NT5DC1: variants seen among roughly 807,000 people sequenced by gnomAD.
NT5DC1 encodes 5'-nucleotidase domain-containing protein 1.
A neutral mutation model predicts 59.4 loss-of-function variants in NT5DC1; 42 were observed. The ratio of observed to expected loss-of-function variants is 0.71; its 90% CI spans 0.55 to 0.92. NT5DC1 has a LOEUF of 0.92. Ranked by LOEUF, NT5DC1 falls within the 40% of genes least tolerant of loss-of-function variation. The pLI is 0.00. For synonymous variants in NT5DC1, 172 were observed against 188.1 expected (o/e 0.91, Z 0.70); for missense variants, 501 against 537.1 (o/e 0.93, Z 0.66).
intron 6 of NT5DC1, among the ~76,000 whole-genome samples, chr6:116,186,751 A>G (rs1348986960): frequency 2.0e-5 from 3 of 151,934 alleles, no homozygotes; most frequent in South Asian, 2.1e-4. Context: ...TATTTATGCC[A>G]TGTATTTCAC....
intron 6 of NT5DC1, among the ~76,000 whole-genome samples, chr6:116,196,364 A>G (rs1035438954): frequency 6.6e-6 from 1 of 152,088 alleles, no homozygotes; most frequent in African/African-American, 2.4e-5. Flanking sequence ...AATATACACA[A>G]TGGGAAAGAG....
intron 8 of NT5DC1, among the ~76,000 whole-genome samples, chr6:116,233,087 G>C (rs1390253584): frequency 1.3e-5 from 2 of 152,120 alleles, no homozygotes; most frequent in African/African-American, 4.8e-5. Context: ...AGGGTTTGAG[G>C]AATAATTTGT....
At chr6:116,239,763 G>A (rs888866044) in intron 11 of NT5DC1, among the ~76,000 whole-genome samples, 4 of 152,088 alleles carry the variant, frequency 2.6e-5, no homozygotes, top group Non-Finnish European at 5.9e-5. Context: ...ATCATTCTAG[G>A]ACTCAAATTA....
rs138260310 is a variant in NT5DC1 at position 116,144,374 on chromosome 6, G to T, written c.529+26429G>T. Among the ~76,000 whole-genome samples, 345 of 152,140 alleles carry T rather than the reference G, an allele frequency of 2.3e-3. 1 individual carries two copies. Among genetic ancestry groups the T allele is most frequent in the African/African-American group, 8.2e-3 (339 of 41,486 alleles). On this transcript the variant is annotated intron_variant, in intron 6 of 11. Transcript: ENST00000319550. ...AAATTAGCTGGGCGTGATGGTGCAC[G>T]CCTGTAGTCCCAGCTACTTGGGAGA...
At chr6:116,237,183 C>A in intron 9 of NT5DC1, 99 bp downstream of exon 9, 1 of 723,364 alleles carries the variant, frequency 1.4e-6, no homozygotes, top group Non-Finnish European at 2.5e-6. Flanking sequence ...CTTAAATAAG[C>A]CTTTCCTTTG....
intron 5 of NT5DC1, among the ~76,000 whole-genome samples, chr6:116,117,541 C>G (rs992652662): frequency 3.3e-5 from 5 of 152,132 alleles, no homozygotes; most frequent in Admixed American, 2.6e-4. Flanking sequence ...CCTAGCTTAT[C>G]TTAAACATAC....
At chr6:116,223,445 A>G (rs887217248) in intron 8 of NT5DC1, among the ~76,000 whole-genome samples, 10 of 152,188 alleles carry the variant, frequency 6.6e-5, no homozygotes, top group Admixed American at 1.3e-4. Flanking sequence ...TTCTAGAACA[A>G]AAGCGCCTGT....
intron 4 of NT5DC1, among the ~76,000 whole-genome samples, chr6:116,115,209 C>T (rs1169518171): frequency 7.0e-6 from 1 of 142,370 alleles, no homozygotes; most frequent in Admixed American, 7.0e-5. Context: ...ACTTATCACC[C>T]CAGTTTTTTT....
At chr6:116,178,436 G>A (rs1161397026) in intron 6 of NT5DC1, among the ~76,000 whole-genome samples, 3 of 152,126 alleles carry the variant, frequency 2.0e-5, no homozygotes, top group Non-Finnish European at 2.9e-5. Flanking sequence ...TTTATGGTCA[G>A]GTATAAGAAT....
chr6:116,211,784 C>T (rs184247783), intron 6 of NT5DC1, among the ~76,000 whole-genome samples: 1 of 152,080 alleles, frequency 6.6e-6, no homozygotes, highest in Non-Finnish European at 1.5e-5. Context: ...GGAATGTTTG[C>T]TTTGTTGTAC....
Position 116,208,924 on chromosome 6 carries a change from A to T in NT5DC1, c.530-12130A>T, listed in dbSNP as rs1026155321. On this transcript the variant is annotated intron_variant, in intron 6 of 11. Transcript: ENST00000319550. ...CAGAGAGTAATTGAAGGGCAGTTACATCATGGCTGGGGATCCACTGTGATT... is the reference window on the plus strand; with the variant it reads ...CAGAGAGTAATTGAAGGGCAGTTACTTCATGGCTGGGGATCCACTGTGATT... 1.5e-3 allele frequency among the ~76,000 whole-genome samples: 221 copies of T among 152,120 alleles called. 1 individual carries two copies. Among genetic ancestry groups the T allele is most frequent in the Non-Finnish European group, 4.7e-4 (32 of 67,930 alleles).
At chr6:116,102,834 GA>G (rs1295424248) in intron 1 of NT5DC1, among the ~76,000 whole-genome samples, 1 of 152,224 alleles carries the variant, frequency 6.6e-6, no homozygotes, top group Non-Finnish European at 1.5e-5. Flanking sequence ...AAATGCTGAA[GA>G]GTTAGTCTTG....
At chr6:116,236,146 C>T (rs577413327) in intron 8 of NT5DC1, among the ~76,000 whole-genome samples, 1 of 152,152 alleles carries the variant, frequency 6.6e-6, no homozygotes, top group African/African-American at 2.4e-5. Flanking sequence ...AGAAATCATA[C>T]AGTTGATGTG....
At chr6:116,145,979 G>GAA (rs1779889158) in intron 6 of NT5DC1, among the ~76,000 whole-genome samples, 1 of 152,188 alleles carries the variant, frequency 6.6e-6, no homozygotes, top group Non-Finnish European at 1.5e-5. Context: ...GTGCCAGGCA[G>GAA]AAATCTTTCC....
rs76131627 is a variant in NT5DC1, at chr6:116,163,546, T to C, written c.529+45601T>C. Among the ~76,000 whole-genome samples the C allele has an allele frequency of 1.4e-4, 22 of 152,262 alleles. No homozygotes were observed. In the East Asian group the frequency reaches 4.2e-3, roughly 29 times the overall value. On this transcript the variant is annotated intron_variant, in intron 6 of 11. Transcript: ENST00000319550. ...TAATCTAGTTAGTAGTCTATCAATTTTTGTTTATCTTCTTAAACAACCAAC... is the reference window on the plus strand; with the variant it reads ...TAATCTAGTTAGTAGTCTATCAATTCTTGTTTATCTTCTTAAACAACCAAC...
chr6:116,197,131 G>T (rs969832469), intron 6 of NT5DC1, among the ~76,000 whole-genome samples: 3 of 151,744 alleles, frequency 2.0e-5, no homozygotes, highest in Non-Finnish European at 4.4e-5. Flanking sequence ...TTTGTAGTGG[G>T]CCAGCTGCCC....
chr6:116,104,998 G>T (rs1448856949), intron 1 of NT5DC1, among the ~76,000 whole-genome samples: 1 of 152,138 alleles, frequency 6.6e-6, no homozygotes, highest in Non-Finnish European at 1.5e-5. Context: ...CACCACCAGG[G>T]TTAAGAACTG....
chr6:116,225,612 G>C (rs1187541914), intron 8 of NT5DC1, among the ~76,000 whole-genome samples: 2 of 152,204 alleles, frequency 1.3e-5, no homozygotes, highest in Non-Finnish European at 2.9e-5. Flanking sequence ...GATCACTAGT[G>C]CCTCAGTGAA....
chr6:116,119,997 A>G (rs1012749144), intron 6 of NT5DC1: 1 of 1,213,186 alleles, frequency 8.2e-7, no homozygotes, highest in African/African-American at 1.5e-5. Flanking sequence ...GCCTACCTCC[A>G]TATGCATTTT....
Sources: gnomAD v4.1 joint callset for allele counts (sites outside exome capture counted in the v4.1 genomes callset) on GRCh38, gnomAD v4.1.1 for gene constraint, MANE v1.5 for transcripts, NCBI Gene and HGNC (gene_info 2026-07-23, HGNC 2026-07-21) for gene names.